The following IL1RAPL2 variants were observed in gnomAD, a reference collection of about 807,000 sequenced individuals.
IL1RAPL2 encodes X-linked interleukin-1 receptor accessory protein-like 2.
Under a neutral mutation model 44.1 loss-of-function variants are expected in IL1RAPL2, and 3 were observed. That is an observed-to-expected ratio of 0.07 (90% CI 0.03 to 0.18). The LOEUF is 0.18. Among genes scored for constraint, IL1RAPL2 ranks in the 10% least tolerant of loss-of-function variants. The probability of loss-of-function intolerance (pLI) is 1.00; values close to 1 mark genes in which losing one functional copy is unlikely to be tolerated. For synonymous variants in IL1RAPL2, 181 were observed against 178.8 expected (o/e 1.01, Z -0.10); for missense variants, 391 against 496.4 (o/e 0.79, Z 2.02).
intron 6 of IL1RAPL2, among the ~76,000 whole-genome samples, chrX:105,702,612 A>G (rs1216881414): frequency 8.9e-6 from 1 of 111,827 alleles, no homozygotes; most frequent in Non-Finnish European, 1.9e-5. Context: ...GGAAGTAGGC[A>G]TTATTAGTCC....
At chrX:104,640,845 G>C (rs908832079) in intron 1 of IL1RAPL2, among the ~76,000 whole-genome samples, 1 of 112,520 alleles carries the variant, frequency 8.9e-6, no homozygotes, top group Non-Finnish European at 1.9e-5. Context: ...GCTGGGGACT[G>C]AGATGACAAA....
At chrX:105,717,285 C>T in intron 6 of IL1RAPL2, 82 bp from the exon 7 acceptor site, 3 of 910,741 alleles carry the variant, frequency 3.3e-6, no homozygotes, top group Non-Finnish European at 4.4e-6. Context: ...TCTGAGTTTT[C>T]CTTTGGATGT....
At chrX:104,963,590 A>G (rs775252033) in intron 2 of IL1RAPL2, among the ~76,000 whole-genome samples, 2 of 111,547 alleles carry the variant, frequency 1.8e-5, no homozygotes, top group African/African-American at 6.5e-5. Flanking sequence ...TCCATGCCCC[A>G]GACCCAAATA....
At chrX:105,620,815 G>A (rs1364163111) in intron 6 of IL1RAPL2, among the ~76,000 whole-genome samples, 1 of 111,639 alleles carries the variant, frequency 9.0e-6, no homozygotes, top group African/African-American at 3.2e-5. Flanking sequence ...CATTGGGAAA[G>A]CATCTTTTGA....
chrX:104,766,908 G>A lies in IL1RAPL2; in HGVS notation c.82+107913G>A, dbSNP rs752190684. ...TCTCAGATGGCATTTAGCTGTCCCA[G>A]TTTACACATTTGCAGGGTGGCTGGC... On this transcript the variant is annotated intron_variant, in intron 2 of 10. Transcript: ENST00000372582. Among the ~76,000 whole-genome samples, 4 of 112,235 alleles carry A rather than the reference G, an allele frequency of 3.6e-5. No individual in the cohort carries two copies. The East Asian group carries it at 1.1e-3, about 32-fold the overall frequency.
intron 2 of IL1RAPL2, among the ~76,000 whole-genome samples, chrX:104,801,409 G>T (rs971113971): frequency 1.9e-5 from 2 of 106,789 alleles, no homozygotes; most frequent in Non-Finnish European, 3.8e-5. Context: ...CTAATAGTCT[G>T]CTTCCTTATC....
At chrX:105,750,278 C>T (rs370730837) in intron 9 of IL1RAPL2, among the ~76,000 whole-genome samples, 3 of 84,533 alleles carry the variant, frequency 3.5e-5, no homozygotes, top group African/African-American at 4.5e-5. Context: ...TTTGTTTTGT[C>T]TTTTTTTTTT....
chrX:104,916,316 A>T (rs1234876281), intron 2 of IL1RAPL2, among the ~76,000 whole-genome samples: 2 of 111,298 alleles, frequency 1.8e-5, no homozygotes, highest in Non-Finnish European at 3.8e-5. Context: ...TAGATATTTT[A>T]TTCTCTTTGA....
chrX:104,949,165 G>A (rs1474636246), intron 2 of IL1RAPL2, among the ~76,000 whole-genome samples: 5 of 109,048 alleles, frequency 4.6e-5, no homozygotes, highest in African/African-American at 1.3e-4. Context: ...ATGTGTCGAG[G>A]AATTTATCCA....
At chrX:105,114,305 C>A (rs2032830706) in intron 2 of IL1RAPL2, among the ~76,000 whole-genome samples, 1 of 111,775 alleles carries the variant, frequency 8.9e-6, no homozygotes, top group South Asian at 3.8e-4. Flanking sequence ...CCCAACCTGC[C>A]GAACTGTAAG....
At chrX:105,272,996 GA>G (rs1250551828) in intron 5 of IL1RAPL2, among the ~76,000 whole-genome samples, 2 of 110,918 alleles carry the variant, frequency 1.8e-5, no homozygotes, top group Admixed American at 9.6e-5. Flanking sequence ...GGTGAGTTTA[GA>G]AAAAAACAGT....
At chrX:105,680,668 A>G (rs1250527122) in intron 6 of IL1RAPL2, among the ~76,000 whole-genome samples, 6 of 112,277 alleles carry the variant, frequency 5.3e-5, no homozygotes, top group African/African-American at 1.9e-4. Context: ...GAAGGGGTCA[A>G]CAAGGAGAAT....
intron 2 of IL1RAPL2, among the ~76,000 whole-genome samples, chrX:105,095,676 T>C (rs2032596102): frequency 8.9e-6 from 1 of 111,937 alleles, no homozygotes; most frequent in African/African-American, 3.2e-5. Context: ...CACTTTCTCA[T>C]GCCATATACA....
chrX:105,696,306 A>G (rs935587963), intron 6 of IL1RAPL2, among the ~76,000 whole-genome samples: 16 of 111,796 alleles, frequency 1.4e-4, no homozygotes, highest in African/African-American at 5.2e-4. Flanking sequence ...AGGTCAGCCC[A>G]GGACTAGGGT....
At chrX:105,340,114 G>T (rs943413839) in intron 5 of IL1RAPL2, among the ~76,000 whole-genome samples, 11 of 111,642 alleles carry the variant, frequency 9.9e-5, no homozygotes, top group African/African-American at 3.3e-4. Flanking sequence ...CATAGTGGAA[G>T]TCTAATAAAC....
intron 6 of IL1RAPL2, among the ~76,000 whole-genome samples, chrX:105,628,333 C>A (rs1410619724): frequency 9.0e-6 from 1 of 111,279 alleles, no homozygotes; most frequent in African/African-American, 3.3e-5. Flanking sequence ...TTGCCAAATC[C>A]TTCCTAACTT....
At chrX:105,684,208 C>T (rs981073896) in intron 6 of IL1RAPL2, among the ~76,000 whole-genome samples, 15 of 112,156 alleles carry the variant, frequency 1.3e-4, no homozygotes, top group Non-Finnish European at 1.7e-4. Context: ...CTACAGAGGG[C>T]GAGCTGAAGC....
intron 5 of IL1RAPL2, among the ~76,000 whole-genome samples, chrX:105,423,894 C>A (rs1263387145): frequency 1.8e-5 from 2 of 108,586 alleles, no homozygotes; most frequent in Non-Finnish European, 3.8e-5. Context: ...GTGTTGACAG[C>A]AAAATAAACT....
intron 2 of IL1RAPL2, among the ~76,000 whole-genome samples, chrX:105,060,451 C>T (rs2147532013): frequency 9.0e-6 from 1 of 111,417 alleles, no homozygotes; most frequent in East Asian, 2.8e-4. Context: ...TTGGGTAAAT[C>T]CCACTTGGTC....
Sources: allele counts gnomAD v4.1 joint callset (sites outside exome capture counted in the v4.1 genomes callset), GRCh38; gene constraint gnomAD v4.1.1; transcripts MANE v1.5; gene names NCBI Gene and HGNC (gene_info 2026-07-23, HGNC 2026-07-21).